PAK1: variants seen among roughly 807,000 people sequenced by gnomAD.
PAK1 encodes the protein p21 (RAC1) activated kinase 1, also known as serine/threonine-protein kinase PAK 1.
PAK1 carries 29 observed loss-of-function variants against 67.4 expected under a neutral mutation model. That is an observed-to-expected ratio of 0.43 (90% CI 0.32 to 0.59). The LOEUF (loss-of-function observed/expected upper bound fraction) is 0.59. Ranked by LOEUF, PAK1 falls within the 20% of genes least tolerant of loss-of-function variation. The pLI is 0.07. For missense variants in PAK1, 337 were observed against 670.7 expected (o/e 0.50, Z 5.50); for synonymous variants, 223 against 237.4 (o/e 0.94, Z 0.56).
chr11:77,415,931 A>G lies in PAK1; in HGVS notation c.-21-23390T>C, dbSNP rs150342992. On this transcript the variant is annotated intron_variant, in intron 1 of 14. Transcript: ENST00000356341. ...CACAAGCACATTGTACAGCTATACAATATTTTCTTTATAGCTTTATTCTAT... is the reference window on the plus strand; with the variant it reads ...CACAAGCACATTGTACAGCTATACAGTATTTTCTTTATAGCTTTATTCTAT... 1.1e-3 allele frequency among the ~76,000 whole-genome samples: 161 copies of G among 151,538 alleles called. 4 individuals are homozygous for G. In the East Asian group the frequency reaches 0.021, roughly 20 times the overall value.
At chr11:77,515,869 T>A in the PAK1 span, among the ~76,000 whole-genome samples, 24 of 152,340 alleles carry the variant, frequency 1.6e-4, no homozygotes, top group Middle Eastern at 6.8e-3. Context: ...TATGCCATAC[T>A]TTCTGATGTT....
upstream of PAK1, chr11:77,474,227 GGCT>G (rs1958014677): frequency 6.6e-6 from 1 of 151,854 alleles, no homozygotes; most frequent in East Asian, 2.0e-4. Flanking sequence ...CGGCGGCGGC[GGCT>G]GCGGCTCCGG....
chr11:77,528,242 T>C, the PAK1 span, among the ~76,000 whole-genome samples: 1 of 152,178 alleles, frequency 6.6e-6, no homozygotes, highest in Admixed American at 6.5e-5. Context: ...AATACCATTA[T>C]CACACATAAT....
intron 14 of PAK1, among the ~76,000 whole-genome samples, chr11:77,325,819 C>G (rs1939682198): frequency 6.6e-6 from 1 of 152,130 alleles, no homozygotes; most frequent in Admixed American, 6.5e-5. Flanking sequence ...CAAAGACATG[C>G]TAAGTATGTT....
the PAK1 span, among the ~76,000 whole-genome samples, chr11:77,498,050 A>C: frequency 6.6e-6 from 1 of 152,164 alleles, no homozygotes; most frequent in Non-Finnish European, 1.5e-5. Context: ...ATTTTTTAAA[A>C]AATTCTAATC....
intron 5 of PAK1, among the ~76,000 whole-genome samples, chr11:77,364,196 G>A (rs1273308401): frequency 6.6e-6 from 1 of 152,148 alleles, no homozygotes; most frequent in Non-Finnish European, 1.5e-5. Flanking sequence ...CTGGCTATGT[G>A]CATACACATA....
chr11:77,425,696 T>TA (rs1955510710), intron 1 of PAK1, among the ~76,000 whole-genome samples: 1 of 152,254 alleles, frequency 6.6e-6, no homozygotes, highest in Admixed American at 6.5e-5. Flanking sequence ...GTGTAAGGCA[T>TA]AGTAAATGCT....
the PAK1 span, among the ~76,000 whole-genome samples, chr11:77,516,625 G>C: frequency 1.3e-5 from 2 of 152,198 alleles, no homozygotes; most frequent in African/African-American, 4.8e-5. Context: ...GACTAGAGCA[G>C]ATTAATAAAT....
chr11:77,402,734 C>T (rs1334018103), intron 1 of PAK1, among the ~76,000 whole-genome samples: 1 of 152,158 alleles, frequency 6.6e-6, no homozygotes. Flanking sequence ...GTCCTGATTT[C>T]CCACATTGCC....
At chr11:77,387,161 C>T (rs1385269241) in intron 2 of PAK1, among the ~76,000 whole-genome samples, 7 of 151,454 alleles carry the variant, frequency 4.6e-5, no homozygotes, top group East Asian at 1.9e-4. Flanking sequence ...CAACCTCTGC[C>T]GCCCAGATTC....
chr11:77,499,230 T>C, the PAK1 span, among the ~76,000 whole-genome samples: 1 of 151,960 alleles, frequency 6.6e-6, no homozygotes, highest in South Asian at 2.1e-4. Context: ...ATTGTTAACA[T>C]TTTTTTTCTT....
chr11:77,517,491 A>C, the PAK1 span, among the ~76,000 whole-genome samples: 2 of 152,188 alleles, frequency 1.3e-5, no homozygotes, highest in Non-Finnish European at 2.9e-5. Context: ...AGATGGCTTG[A>C]CATATGCCAA....
the PAK1 span, among the ~76,000 whole-genome samples, chr11:77,484,069 A>C: frequency 9.2e-5 from 14 of 152,162 alleles, no homozygotes; most frequent in Non-Finnish European, 2.1e-4. Context: ...CAAGTGCTTT[A>C]TTAGAAAGGC....
At chr11:77,409,422 T>C (rs1301923721) in intron 1 of PAK1, among the ~76,000 whole-genome samples, 1 of 152,132 alleles carries the variant, frequency 6.6e-6, no homozygotes, top group African/African-American at 2.4e-5. Flanking sequence ...CATAGAACTA[T>C]CATGATTCAG....
chr11:77,454,907 T>A (rs564158602), intron 1 of PAK1, among the ~76,000 whole-genome samples: 22 of 152,306 alleles, frequency 1.4e-4, no homozygotes, highest in African/African-American at 4.6e-4. Context: ...GATGGGCAGG[T>A]GGTCTCTACT....
chr11:77,464,710 A>T (rs1177545451), intron 1 of PAK1, among the ~76,000 whole-genome samples: 1 of 152,220 alleles, frequency 6.6e-6, no homozygotes, highest in East Asian at 1.9e-4. Context: ...AACATACCAA[A>T]CATCGTAGCT....
chr11:77,336,342 T>A (rs909204766), intron 12 of PAK1, 60 bp from the exon 13 acceptor site: 3 of 1,304,582 alleles, frequency 2.3e-6, no homozygotes. Context: ...CTTCAGTAAG[T>A]GTTGACTGTG....
At chr11:77,498,685 C>G in the PAK1 span, among the ~76,000 whole-genome samples, 1 of 122,956 alleles carries the variant, frequency 8.1e-6, no homozygotes, top group Non-Finnish European at 1.7e-5. Flanking sequence ...AACACCCTTG[C>G]TTGTAATTTT....
chr11:77,373,562 T>TAAAA (rs34413403), intron 5 of PAK1, among the ~76,000 whole-genome samples: 1 of 120,776 alleles, frequency 8.3e-6, no homozygotes. Flanking sequence ...CTCGTCTCTT[T>TAAAA]AAAAAAAAAA....
Sources: gnomAD v4.1 joint callset for allele counts (sites outside exome capture counted in the v4.1 genomes callset) on GRCh38, gnomAD v4.1.1 for gene constraint, MANE v1.5 for transcripts, NCBI Gene and HGNC (gene_info 2026-07-23, HGNC 2026-07-21) for gene names.